IRX2: variants seen among roughly 807,000 people sequenced by gnomAD.
IRX2 encodes iroquois homeobox 2.
Under a neutral mutation model 42.9 loss-of-function variants are expected in IRX2, and 26 were observed. The observed-to-expected ratio is 0.61, with a 90% CI of 0.44 to 0.84. The LOEUF (loss-of-function observed/expected upper bound fraction) is 0.84. Among genes scored for constraint, IRX2 ranks in the 40% least tolerant of loss-of-function variants. The pLI is 0.00. For missense variants in IRX2, 782 were observed against 713.9 expected (o/e 1.10, Z -1.09); for synonymous variants, 424 against 353.9 (o/e 1.20, Z -2.22).
intron 2 of IRX2, 110 bp from the exon 3 acceptor site, chr5:2,749,162 T>TCGCCCCCACCC: frequency 6.7e-7 from 1 of 1,491,856 alleles, no homozygotes; most frequent in Non-Finnish European, 8.9e-7. Flanking sequence ...ACCCCTCACC[T>TCGCCCCCACCC]CGCCCCCACC....
At position 2,751,439 on chromosome 5, in the gene IRX2, G is replaced by A; in HGVS notation, c.-26C>T. On this transcript the variant is annotated 5_prime_UTR_variant, in exon 1 of 4. The change creates a new upstream start codon in the 5' untranslated region. Transcript: ENST00000302057. This position sits in a 1 kb window ranked among gnomAD's most constrained non-coding sequence, Gnocchi z 4.0. ...GGTGGGCGCGGGGCGCGGGGCCCGC[G>A]TCACGCCGAGCAGCGGGCAGGGCGC... 2.4e-6 allele frequency: 3 copies of A among 1,235,640 alleles called. No homozygotes were observed. Among genetic ancestry groups the A allele is most frequent in the Non-Finnish European group, 3.0e-6 (3 of 988,400 alleles). 76.5% of individuals were successfully genotyped at this position (1,235,640 alleles called of 1,614,324 possible). A position where few individuals can be genotyped will look rare whatever the true frequency, so the allele number is the denominator to read the frequency against.
At chr5:2,738,631 A>T in the IRX2 span, among the ~76,000 whole-genome samples, 1 of 152,090 alleles carries the variant, frequency 6.6e-6, no homozygotes, top group Non-Finnish European at 1.5e-5. Flanking sequence ...GTCCAATGGC[A>T]GAAAGGATGG....
chr5:2,742,200 A>C (rs1737559381), downstream of IRX2, among the ~76,000 whole-genome samples: 2 of 152,190 alleles, frequency 1.3e-5, no homozygotes, highest in Non-Finnish European at 1.5e-5. Context: ...ACTGGGGCTC[A>C]AAGTGTTTTC....
At chr5:2,740,675 G>A in the IRX2 span, among the ~76,000 whole-genome samples, 1 of 152,136 alleles carries the variant, frequency 6.6e-6, no homozygotes, top group African/African-American at 2.4e-5. Flanking sequence ...AGACTCCCCA[G>A]GGAGCACGCG....
chr5:2,740,387 G>C, the IRX2 span, among the ~76,000 whole-genome samples: 4 of 152,218 alleles, frequency 2.6e-5, no homozygotes, highest in East Asian at 7.8e-4. Flanking sequence ...ACCTGCGACT[G>C]TTCGGTTCTC....
downstream of IRX2, among the ~76,000 whole-genome samples, chr5:2,743,996 C>T (rs1365541579): frequency 3.3e-5 from 5 of 151,990 alleles, no homozygotes; most frequent in Non-Finnish European, 7.4e-5. Context: ...AAGAAGCTTC[C>T]TTAGCCTTGG....
chr5:2,750,495 C>G (rs1005137375), intron 1 of IRX2, among the ~76,000 whole-genome samples: 2 of 152,232 alleles, frequency 1.3e-5, no homozygotes, highest in East Asian at 1.9e-4. Context: ...CCTCGAGACT[C>G]GCGAGCCGCC....
In IRX2 at chr5:2,748,819, T is replaced by C. The variant is rs1457359694; in HGVS notation, c.889A>G (p.Ser297Gly). ...CGGGGCGCGGCCTCGGGCGGGGGGC[T>C]CAGCAGCGGCGCCTCCAAGCCGGTA... ...PLTGLEAPLL[S>G]PPPEAAPRGG... Residue 297 changes from serine to glycine, a missense_variant, in exon 3 of 4, where the codon AGC becomes GGC. Ser to Gly is a moderately conservative substitution (Grantham distance 56, BLOSUM62 0). Coordinates refer to ENST00000302057, the MANE Select transcript of IRX2 (RefSeq NM_033267.5). The C allele has an allele frequency of 1.3e-6, 2 of 1,512,830 alleles. No individual in the cohort carries two copies. The highest frequency in any genetic ancestry group is 8.8e-7 in the Non-Finnish European group (1 of 1,140,108). The allele number at this position is 1,512,830 out of a possible 1,614,324, so 93.7% of individuals were successfully genotyped here.
In IRX2 at chr5:2,749,055, G is replaced by A. The variant is rs1254594511; in HGVS notation, c.656-3C>T. On this transcript the variant is annotated splice_polypyrimidine_tract_variant and splice_region_variant and intron_variant, in intron 2 of 3. Transcript: ENST00000302057. ...CGAGTCCACGTGCAGGCTGATCCCT[G>A]TGGGGGCGCGGGCACGGTGGGTGGC... The A allele has an allele frequency of 6.3e-7, 1 of 1,595,766 alleles. No individual in the cohort carries two copies. Among genetic ancestry groups the A allele is most frequent in the Non-Finnish European group, 8.5e-7 (1 of 1,178,744 alleles).
At chr5:2,744,526 T>G (rs1737616029), downstream of IRX2, among the ~76,000 whole-genome samples, 1 of 152,176 alleles carries the variant, frequency 6.6e-6, no homozygotes, top group South Asian at 2.1e-4. Context: ...ATTATCTCTA[T>G]GAAAAGTCTA....
At chr5:2,738,853 G>A in the IRX2 span, among the ~76,000 whole-genome samples, 1 of 152,228 alleles carries the variant, frequency 6.6e-6, no homozygotes, top group Non-Finnish European at 1.5e-5. Context: ...CAGAGGTCGC[G>A]GAGGGTGAAG....
At position 2,748,509 on chromosome 5, in the gene IRX2, G is replaced by T; in HGVS notation, c.1199C>A (p.Ala400Glu). Reference protein sequence around the residue: ...GNYTNYGNLNAALQGQGLLRY... With the variant: ...GNYTNYGNLNEALQGQGLLRY... ...CAGGAGACCCTGGCCCTGCAGCGCC[G>T]CGTTCAAGTTCCCGTAGTTTGTGTA... The change falls in exon 3 of 4, where the codon GCG (alanine) becomes GAG (glutamate). Residue 400 changes from alanine to glutamate, a missense_variant. Around this residue, in one of 3 missense-constraint regions of IRX2, gnomAD observed 520 missense variants for 437.8 expected, o/e 1.19. Transcript: ENST00000302057. 6.3e-7 allele frequency: 1 copy of T among 1,583,054 alleles called. No homozygotes were observed. The highest frequency in any genetic ancestry group is 8.6e-7 in the Non-Finnish European group (1 of 1,165,864).
At chr5:2,748,211 C>G in intron 3 of IRX2, 134 bp downstream of exon 3, 1 of 752,808 alleles carries the variant, frequency 1.3e-6, no homozygotes, top group Non-Finnish European at 1.9e-6. Context: ...CGCCCTCACT[C>G]TGCTAATTCT....
chr5:2,748,886 CTCGCCCTCCTCG>C lies in IRX2; in HGVS notation c.810_821del (p.Asp270_Gly273del). 6.3e-7 allele frequency: 1 copy of C among 1,595,588 alleles called. No homozygotes were observed. Among genetic ancestry groups the C allele is most frequent in the East Asian group, 2.2e-5 (1 of 44,704 alleles). ...CGGGCTTGGGCGGCGCCAGGCCCCG[CTCGCCCTCCTCG>C]TCGTCGTCCTCGTCGTCCTCCAGGT... is the stretch of plus-strand genomic sequence containing the variant. On this transcript the variant is annotated inframe_deletion, in exon 3 of 4. Coordinates refer to ENST00000302057, the MANE Select transcript of IRX2 (RefSeq NM_033267.5).
At chr5:2,735,813 C>T in the IRX2 span, among the ~76,000 whole-genome samples, 5 of 152,142 alleles carry the variant, frequency 3.3e-5, no homozygotes, top group Non-Finnish European at 5.9e-5. Context: ...AAGATGCTCA[C>T]CAGCAACTAG....
chr5:2,742,555 A>G (rs1162478533), downstream of IRX2, among the ~76,000 whole-genome samples: 1 of 152,212 alleles, frequency 6.6e-6, no homozygotes, highest in Admixed American at 6.5e-5. Context: ...AACGCTTTCA[A>G]AAAAATAGTT....
intron 3 of IRX2, among the ~76,000 whole-genome samples, chr5:2,748,093 CA>C (rs1446801337): frequency 1.3e-4 from 20 of 152,144 alleles, no homozygotes; most frequent in Non-Finnish European, 4.4e-5. Flanking sequence ...GAAACTAAGA[CA>C]GCCACGATAG....
In IRX2 at chr5:2,747,306, C is replaced by CGT. The variant is rs1320079846; in HGVS notation, c.*257_*258insAC. 4.6e-6 allele frequency: 1 copy of CGT among 218,034 alleles called. No individual in the cohort carries two copies. The highest frequency in any genetic ancestry group is 2.8e-5 in the African/African-American group (1 of 35,770). 13.5% of individuals were successfully genotyped at this position (218,034 alleles called of 1,614,324 possible). On this transcript the variant is annotated 3_prime_UTR_variant, in exon 4 of 4. Coordinates refer to ENST00000302057, the MANE Select transcript of IRX2 (RefSeq NM_033267.5). Reference sequence around the variant, plus strand: ...TATATATTACACACACACACACACACATATATATATATATTTTTTTTTTCC... The same window carrying CGT: ...TATATATTACACACACACACACACACGTATATATATATATATTTTTTTTTTCC...
At chr5:2,744,485 C>CA (rs1421250405), downstream of IRX2, among the ~76,000 whole-genome samples, 1 of 152,136 alleles carries the variant, frequency 6.6e-6, no homozygotes, top group Non-Finnish European at 1.5e-5. Flanking sequence ...CTTCAGACAA[C>CA]AATCTAAAAC....
Sources: gnomAD v4.1 joint callset for allele counts (sites outside exome capture counted in the v4.1 genomes callset) on GRCh38, gnomAD v4.1.1 for gene constraint, gnomAD v4.1.1 regional missense constraint, Gnocchi (gnomAD v3.1) non-coding constraint, MANE v1.5 for transcripts, NCBI Gene and HGNC (gene_info 2026-07-23, HGNC 2026-07-21) for gene names.